NR3C1: variants seen among roughly 807,000 people sequenced by gnomAD.
NR3C1 encodes the protein glucocorticoid receptor.
In NR3C1, 14 loss-of-function variants were observed where a neutral mutation model predicts 74.0. The observed-to-expected ratio is 0.19, with a 90% CI of 0.12 to 0.30. NR3C1 has a LOEUF of 0.30. Among genes scored for constraint, NR3C1 ranks in the 10% least tolerant of loss-of-function variants. The pLI is 1.00. For synonymous variants in NR3C1, 308 were observed against 332.5 expected, an observed-to-expected ratio of 0.93 and a Z score of 0.80; for missense variants, 695 against 909.8, an observed-to-expected ratio of 0.76 and a Z score of 3.04.
intron 2 of NR3C1, among the ~76,000 whole-genome samples, chr5:143,398,356 G>GTTGTT: frequency 1.2e-5 from 1 of 85,334 alleles, no homozygotes; most frequent in East Asian, 2.8e-4. Flanking sequence ...AGGTTTTTTG[G>GTTGTT]TTTTTTTTTT....
intron 4 of NR3C1, among the ~76,000 whole-genome samples, chr5:143,306,169 C>T (rs1004325020): frequency 4.6e-5 from 7 of 152,186 alleles, no homozygotes; most frequent in African/African-American, 1.7e-4. Context: ...GCCCTTTAAG[C>T]AGTGAAGGCC....
intron 2 of NR3C1, among the ~76,000 whole-genome samples, chr5:143,321,028 G>A (rs10482661): frequency 1.0e-3 from 159 of 152,216 alleles, no homozygotes; most frequent in African/African-American, 3.3e-3. Context: ...CTTTTTGATC[G>A]CATAGTTATT....
At chr5:143,353,088 C>A (rs1253296168) in intron 2 of NR3C1, among the ~76,000 whole-genome samples, 1 of 152,180 alleles carries the variant, frequency 6.6e-6, no homozygotes, top group Non-Finnish European at 1.5e-5. Context: ...AGAATCTTCA[C>A]CAGGAGTAGA....
In NR3C1 at chr5:143,400,423, G is replaced by A. The variant is rs777781173; in HGVS notation, c.417C>T (p.Pro139=). The change falls in exon 2 of 9, where the codon CCC becomes CCT. Residue 139 remains proline, a synonymous_variant. Transcript: ENST00000394464. ...LNRSTSVPEN[P]KSSASTAVSA... ...ACACAGCAGTGGATGCTGAACTCTT[G>A]GGGTTCTCTGGAACACTGGTCGACC... The A allele has an allele frequency of 1.2e-6, 2 of 1,614,148 alleles. No individual in the cohort carries two copies. Among genetic ancestry groups the A allele is most frequent in the Admixed American group, 1.7e-5 (1 of 60,026 alleles).
At chr5:143,345,001 C>G (rs1159073821) in intron 2 of NR3C1, among the ~76,000 whole-genome samples, 4 of 152,132 alleles carry the variant, frequency 2.6e-5, no homozygotes, top group Non-Finnish European at 5.9e-5. Flanking sequence ...CCAGATACTT[C>G]GCTTTCCTCC....
intron 2 of NR3C1, among the ~76,000 whole-genome samples, chr5:143,395,269 T>C (rs1012521882): frequency 2.0e-5 from 3 of 151,894 alleles, no homozygotes; most frequent in African/African-American, 7.2e-5. Flanking sequence ...CAAGTATTAA[T>C]AGAATATGCC....
chr5:143,285,756 G>A (rs746753726), intron 7 of NR3C1, among the ~76,000 whole-genome samples: 6 of 152,014 alleles, frequency 3.9e-5, no homozygotes, highest in Admixed American at 2.0e-4. Flanking sequence ...ATGCAATGAA[G>A]ACAGTGCTTA....
Position 143,403,458 on chromosome 5 carries a change from C to T in NR3C1, c.-261G>A, listed in dbSNP as rs1353091656. ...GGGCTCCGCGGGTCGAGGTTCCGGGCGCGCGTGCCCCGTCCCGGTCCCAGC... is the reference window on the plus strand; with the variant it reads ...GGGCTCCGCGGGTCGAGGTTCCGGGTGCGCGTGCCCCGTCCCGGTCCCAGC... On this transcript the variant is annotated 5_prime_UTR_variant, in exon 1 of 9. Transcript: ENST00000394464. 1.1e-5 allele frequency: 11 copies of T among 984,120 alleles called. No homozygotes were observed. In the Admixed American group the frequency reaches 5.5e-4, roughly 50 times the overall value. The allele number at this position is 984,120 out of a possible 1,614,324, so 61.0% of individuals were successfully genotyped here. A position where few individuals can be genotyped will look rare whatever the true frequency, so the allele number is the denominator to read the frequency against.
intron 2 of NR3C1, among the ~76,000 whole-genome samples, chr5:143,385,623 GGCAAAAT>G (rs1837053796): frequency 6.6e-6 from 1 of 152,140 alleles, no homozygotes; most frequent in South Asian, 2.1e-4. Context: ...CTAGGGCAGG[GGCAAAAT>G]GCTGTCAGTC....
chr5:143,432,021 TG>T lies in NR3C1; in HGVS notation c.-14+2510del, dbSNP rs1230843582. ...GACAGGAGCGGAGTTTCAACCTTGG[TG>T]GGGGTGGAGGAGCAGAATATGTGTA... On this transcript the variant is annotated intron_variant, in intron 1 of 8. Coordinates refer to the NR3C1 transcript ENST00000343796. Among the ~76,000 whole-genome samples, 5 of 152,008 alleles carry T rather than the reference TG, an allele frequency of 3.3e-5. No homozygotes were observed. In the East Asian group the frequency reaches 9.7e-4, roughly 29 times the overall value.
chr5:143,312,109 G>T (rs1204641581), intron 3 of NR3C1, among the ~76,000 whole-genome samples: 1 of 151,974 alleles, frequency 6.6e-6, no homozygotes, highest in African/African-American at 2.4e-5. Flanking sequence ...TGTTTATATG[G>T]TATTCATTTT....
chr5:143,413,774 CTA>C (rs1841384796), intron 1 of NR3C1, among the ~76,000 whole-genome samples: 1 of 152,118 alleles, frequency 6.6e-6, no homozygotes, highest in South Asian at 2.1e-4. Flanking sequence ...GGAATGTGTA[CTA>C]TGATGGGCAA....
At chr5:143,412,751 A>G (rs1841335935) in intron 1 of NR3C1, among the ~76,000 whole-genome samples, 1 of 152,180 alleles carries the variant, frequency 6.6e-6, no homozygotes, top group Admixed American at 6.5e-5. Flanking sequence ...AAAAAATAGT[A>G]AATGTTTTGC....
chr5:143,293,524 C>A (rs79148397), intron 7 of NR3C1, among the ~76,000 whole-genome samples: 3,056 of 152,184 alleles, frequency 0.02, 48 homozygotes, highest in Non-Finnish European at 0.026. Flanking sequence ...CTATTGAAAT[C>A]ATTTTAAAAA....
chr5:143,396,905 A>C (rs997703320), intron 2 of NR3C1, among the ~76,000 whole-genome samples: 2 of 151,888 alleles, frequency 1.3e-5, no homozygotes, highest in African/African-American at 4.8e-5. Context: ...CAAATAATGC[A>C]GAAATGTGCC....
At chr5:143,410,131 T>C (rs1841243923) in intron 1 of NR3C1, among the ~76,000 whole-genome samples, 2 of 152,224 alleles carry the variant, frequency 1.3e-5, no homozygotes, top group Non-Finnish European at 2.9e-5. Context: ...TACTTTGTTT[T>C]TTCATTTGTG....
intron 2 of NR3C1, among the ~76,000 whole-genome samples, chr5:143,377,079 CTTATGATTTCAT>C (rs751052184): frequency 3.3e-5 from 5 of 152,140 alleles, no homozygotes; most frequent in Non-Finnish European, 5.9e-5. Context: ...AAATTCCATC[CTTATGATTTCAT>C]TCCTTCAAGT....
intron 2 of NR3C1, among the ~76,000 whole-genome samples, chr5:143,323,960 C>G (rs1210751304): frequency 6.6e-6 from 1 of 152,206 alleles, no homozygotes; most frequent in Non-Finnish European, 1.5e-5. Flanking sequence ...CATGCTGATG[C>G]AAAAGATGGA....
chr5:143,433,853 G>A (rs1751991479), intron 1 of NR3C1: 1 of 152,284 alleles, frequency 6.6e-6, no homozygotes, highest in Non-Finnish European at 1.5e-5. Flanking sequence ...GCGGTCCTTT[G>A]CTTGGAACCT....
Sources: gnomAD v4.1 joint callset for allele counts (sites outside exome capture counted in the v4.1 genomes callset) on GRCh38, gnomAD v4.1.1 for gene constraint, MANE v1.5 for transcripts, NCBI Gene and HGNC (gene_info 2026-07-23, HGNC 2026-07-21) for gene names.